UGT1A4: variants seen among roughly 807,000 people sequenced by gnomAD.
The protein encoded by UGT1A4 is UDP-glucuronosyltransferase 1A4.
In UGT1A4, 32 loss-of-function variants were observed where a neutral mutation model predicts 41.1. That is an observed-to-expected ratio of 0.78 (90% CI 0.59 to 1.05). The LOEUF (loss-of-function observed/expected upper bound fraction) is 1.05. UGT1A4 is among the 50% of genes least tolerant of loss of function. The probability of loss-of-function intolerance (pLI) is 0.00; values close to 1 mark genes in which losing one functional copy is unlikely to be tolerated. For synonymous variants in UGT1A4, 283 were observed against 265.1 expected, an observed-to-expected ratio of 1.07 and a Z score of -0.66; for missense variants, 748 against 677.4, an observed-to-expected ratio of 1.10 and a Z score of -1.16.
At chr2:233,734,935 C>A (rs1354608889) in intron 1 of UGT1A4, among the ~76,000 whole-genome samples, 1 of 152,058 alleles carries the variant, frequency 6.6e-6, no homozygotes, top group African/African-American at 2.4e-5. Flanking sequence ...TACTTACAAT[C>A]ATATGGTCAG....
intron 1 of UGT1A4, among the ~76,000 whole-genome samples, chr2:233,739,315 G>A (rs1559383204): frequency 6.6e-6 from 1 of 152,196 alleles, no homozygotes; most frequent in Non-Finnish European, 1.5e-5. Context: ...GTGGAGTTGT[G>A]AGAAGAAGGC....
intron 1 of UGT1A4, chr2:233,741,793 C>T (rs1691771418): frequency 6.6e-6 from 1 of 151,878 alleles, no homozygotes; most frequent in South Asian, 2.1e-4. Context: ...AAAAAATTAC[C>T]AGCATGCTGC....
intron 1 of UGT1A4, chr2:233,755,041 A>T (rs1695713138): frequency 2.3e-6 from 3 of 1,323,402 alleles, no homozygotes; most frequent in African/African-American, 1.5e-5. Flanking sequence ...CCGCCTGCGC[A>T]GCCGCCCTCC....
At chr2:233,741,974 C>A (rs1011197699) in intron 1 of UGT1A4, 2 of 151,852 alleles carry the variant, frequency 1.3e-5, no homozygotes, top group Non-Finnish European at 2.9e-5. Context: ...GTTTATGGTG[C>A]CTCACCCAAA....
intron 1 of UGT1A4, among the ~76,000 whole-genome samples, chr2:233,751,671 A>C (rs1207862608): frequency 1.3e-5 from 2 of 152,074 alleles, no homozygotes; most frequent in Non-Finnish European, 2.9e-5. Context: ...GTGAGTTCTA[A>C]TGAGAGCTGA....
chr2:233,754,901 C>T (rs996500791), intron 1 of UGT1A4: 1 of 1,352,340 alleles, frequency 7.4e-7, no homozygotes, highest in Non-Finnish European at 9.9e-7. Flanking sequence ...TCTGACCCCC[C>T]AAAATATTCT....
chr2:233,747,040 A>T (rs1268606849), intron 1 of UGT1A4, among the ~76,000 whole-genome samples: 1 of 151,966 alleles, frequency 6.6e-6, no homozygotes, highest in Admixed American at 6.5e-5. Context: ...GGGACCCATA[A>T]TGAAAGACAA....
intron 1 of UGT1A4, chr2:233,747,264 A>G (rs1440326311): frequency 6.9e-5 from 111 of 1,598,996 alleles, no homozygotes; most frequent in Non-Finnish European, 9.0e-5. Flanking sequence ...CAGGAGTGCT[A>G]CTCCTTCTCA....
intron 1 of UGT1A4, chr2:233,730,057 T>C: frequency 1.9e-6 from 3 of 1,611,758 alleles, no homozygotes; most frequent in South Asian, 1.1e-5. Context: ...AAAATGTATT[T>C]ATTTAAAATT....
At chr2:233,739,962 A>G (rs1691266437) in intron 1 of UGT1A4, among the ~76,000 whole-genome samples, 1 of 151,874 alleles carries the variant, frequency 6.6e-6, no homozygotes, top group Non-Finnish European at 1.5e-5. Flanking sequence ...AGCTGATTGA[A>G]TCATATCGGC....
In UGT1A4 at chr2:233,772,670, A is replaced by T; in HGVS notation, c.*111A>T. 1 of 1,536,688 alleles carries T rather than the reference A, an allele frequency of 6.5e-7. No homozygotes were observed. Among genetic ancestry groups the T allele is most frequent in the Admixed American group, 2.0e-5 (1 of 50,138 alleles). ...TATTCTTATTAAGGAAATACTTTGC[A>T]TAAATTAATCAGCCCCAGAGTGCTT... On this transcript the variant is annotated 3_prime_UTR_variant, in exon 5 of 5. Transcript: ENST00000373409.
At chr2:233,725,113 T>A (rs1198574402) in intron 1 of UGT1A4, among the ~76,000 whole-genome samples, 1 of 138,758 alleles carries the variant, frequency 7.2e-6, no homozygotes, top group African/African-American at 2.9e-5. Flanking sequence ...GGCAGGGAGG[T>A]TGCAGTGAGC....
At position 233,768,097 on chromosome 2, in the gene UGT1A4, T is replaced by C. The variant is rs1699562988; in HGVS notation, c.1088-123T>C. On this transcript the variant is annotated intron_variant, in intron 3 of 4. Transcript: ENST00000373409. ...GGGTATCTCAACCCACATTTTCTTC[T>C]GCAAATTTCTGCAAGGGCATGTGAG... The C allele has an allele frequency of 4.4e-6, 7 of 1,590,772 alleles. No homozygotes were observed. The Admixed American group carries it at 1.2e-4, about 28-fold the overall frequency.
intron 1 of UGT1A4, among the ~76,000 whole-genome samples, chr2:233,722,884 C>T (rs1358395821): frequency 7.1e-6 from 1 of 141,226 alleles, no homozygotes; most frequent in Admixed American, 7.2e-5. Flanking sequence ...ATTTATTGCT[C>T]ATTAAGTGGA....
intron 1 of UGT1A4, among the ~76,000 whole-genome samples, chr2:233,737,681 C>T (rs2125810058): frequency 6.6e-6 from 1 of 152,268 alleles, no homozygotes; most frequent in South Asian, 2.1e-4. Context: ...TCCTATTTGG[C>T]CATTGGTGCT....
chr2:233,757,537 T>TATATATACATATAC lies in UGT1A4; in HGVS notation c.868-9490_868-9489insCATATACATATATA, dbSNP rs1472416448. Among the ~76,000 whole-genome samples the TATATATACATATAC allele has an allele frequency of 1.3e-3, 136 of 107,742 alleles. 2 individuals carry two copies. Among genetic ancestry groups the TATATATACATATAC allele is most frequent in the African/African-American group, 3.9e-3 (84 of 21,496 alleles). 70.7% of individuals were successfully genotyped at this position (107,742 alleles called of 152,430 possible). A position where few individuals can be genotyped will look rare whatever the true frequency, so the allele number is the denominator to read the frequency against. ...AAGCCAAAATCTTGCCTGTAAGGAA[T>TATATATACATATAC]ATATATATATATATATATATATATG... On this transcript the variant is annotated intron_variant, in intron 1 of 4. Transcript: ENST00000373409.
At chr2:233,724,699 C>T (rs138869941) in intron 1 of UGT1A4, among the ~76,000 whole-genome samples, 60,257 of 142,328 alleles carry the variant, frequency 0.42, 15,342 homozygotes, top group African/African-American at 0.58. Context: ...GGTGAAGACG[C>T]TCCTCGCTTT....
chr2:233,772,912 C>A lies in UGT1A4; in HGVS notation c.*353C>A. 2.6e-6 allele frequency: 1 copy of A among 388,966 alleles called. No individual in the cohort carries two copies. The highest frequency in any genetic ancestry group is 4.5e-6 in the Non-Finnish European group (1 of 221,770). The allele number at this position is 388,966 out of a possible 1,614,324, so 24.1% of individuals were successfully genotyped here. ...GGTGGTCCCACGGCTGCCCCTACTGCAAATGGCAGTTTTAATCTTATCTTT... is the reference window on the plus strand; with the variant it reads ...GGTGGTCCCACGGCTGCCCCTACTGAAAATGGCAGTTTTAATCTTATCTTT... On this transcript the variant is annotated 3_prime_UTR_variant, in exon 5 of 5. Coordinates refer to ENST00000373409, the MANE Select transcript of UGT1A4 (RefSeq NM_007120.3).
At chr2:233,760,585 T>A (rs2125986328) in intron 1 of UGT1A4, 2 of 1,614,208 alleles carry the variant, frequency 1.2e-6, no homozygotes, top group Non-Finnish European at 8.5e-7. Flanking sequence ...GCATAATGTT[T>A]TTGAGAATGA....
Sources: gnomAD v4.1 joint callset for allele counts (sites outside exome capture counted in the v4.1 genomes callset) on GRCh38, gnomAD v4.1.1 for gene constraint, MANE v1.5 for transcripts, NCBI Gene and HGNC (gene_info 2026-07-23, HGNC 2026-07-21) for gene names.